The following RIC1 variants were observed in gnomAD, a reference collection of about 807,000 sequenced individuals.
The protein encoded by RIC1 is guanine nucleotide exchange factor subunit RIC1.
In RIC1, 88 loss-of-function variants were observed where a neutral mutation model predicts 169.0. The observed-to-expected ratio is 0.52, with a 90% confidence interval of 0.44 to 0.62. The LOEUF (loss-of-function observed/expected upper bound fraction) is 0.62, where lower values mean the gene tolerates loss of function less well. RIC1 is among the 20% of genes least tolerant of loss of function. The pLI is 0.00. For synonymous variants in RIC1, 790 were observed against 601.5 expected, an observed-to-expected ratio of 1.31 and a Z score of -4.59; for missense variants, 1,877 against 1,725.5, an observed-to-expected ratio of 1.09 and a Z score of -1.56.
intron 2 of RIC1, among the ~76,000 whole-genome samples, chr9:5,686,289 A>G (rs1447138914): frequency 2.6e-5 from 4 of 152,076 alleles, no homozygotes; most frequent in Non-Finnish European, 5.9e-5. Context: ...ATATACCCAA[A>G]TGACTATAAA....
chr9:5,703,107 C>A (rs553134292), intron 3 of RIC1, among the ~76,000 whole-genome samples: 3 of 152,124 alleles, frequency 2.0e-5, no homozygotes, highest in Non-Finnish European at 4.4e-5. Context: ...AAGTCTGAAC[C>A]CATTCCAGCA....
chr9:5,745,251 C>A (rs973911607), intron 10 of RIC1, among the ~76,000 whole-genome samples: 1 of 152,158 alleles, frequency 6.6e-6, no homozygotes, highest in African/African-American at 2.4e-5. Flanking sequence ...AATTTTGCAA[C>A]AATTCATGGG....
intron 17 of RIC1, among the ~76,000 whole-genome samples, chr9:5,762,290 G>C (rs1826389603): frequency 6.6e-6 from 1 of 152,082 alleles, no homozygotes; most frequent in Non-Finnish European, 1.5e-5. Flanking sequence ...AGCTTTTTCA[G>C]GATAATTCAA....
chr9:5,695,721 C>T (rs559496676), intron 3 of RIC1, among the ~76,000 whole-genome samples: 11 of 152,058 alleles, frequency 7.2e-5, no homozygotes, highest in African/African-American at 2.7e-4. Context: ...CAGGCATGCA[C>T]CACCACACCT....
chr9:5,686,375 C>T (rs537090483), intron 2 of RIC1, among the ~76,000 whole-genome samples: 2 of 152,010 alleles, frequency 1.3e-5, no homozygotes, highest in Admixed American at 1.3e-4. Flanking sequence ...TTGAAACCAA[C>T]CCAAATGTCC....
At chr9:5,669,390 T>C (rs1819962499) in intron 2 of RIC1, among the ~76,000 whole-genome samples, 2 of 152,226 alleles carry the variant, frequency 1.3e-5, no homozygotes. Flanking sequence ...GATGTTTGGT[T>C]TTCCATTCCT....
chr9:5,770,390 A>G, intron 23 of RIC1, 112 bp downstream of exon 23: 1 of 962,660 alleles, frequency 1.0e-6, no homozygotes, highest in Non-Finnish European at 1.5e-6. Context: ...AGGATTAACC[A>G]TTTGTATCCA....
At chr9:5,745,863 G>A in intron 10 of RIC1, 68 bp from the exon 11 acceptor site, 1 of 1,327,500 alleles carries the variant, frequency 7.5e-7, no homozygotes, top group Non-Finnish European at 1.1e-6. Context: ...TTGAATAATT[G>A]AAGCTAGAAA....
chr9:5,746,018 G>A lies in RIC1; in HGVS notation c.1183G>A (p.Val395Ile). 6.2e-7 allele frequency: 1 copy of A among 1,613,706 alleles called. No homozygotes were observed. Among genetic ancestry groups the A allele is most frequent in the Non-Finnish European group, 8.5e-7 (1 of 1,179,664 alleles). ...AATTGAGTCTGACCTCAGGAGTGTAGTTAAACAGCCCAGCATCCTGTTATT... is the reference window on the plus strand; with the variant it reads ...AATTGAGTCTGACCTCAGGAGTGTAATTAAACAGCCCAGCATCCTGTTATT... ...TEIESDLRSV[V>I]KQPSILLFQF... The change falls in exon 11 of 26, where the codon GTT becomes ATT. Residue 395 changes from valine to isoleucine, a missense_variant. Transcript: ENST00000414202.
At chr9:5,720,561 G>A (rs1046304115) in intron 5 of RIC1, 53 bp from the exon 6 acceptor site, 13 of 1,499,552 alleles carry the variant, frequency 8.7e-6, no homozygotes, top group Non-Finnish European at 1.2e-5. Context: ...AAAAGTGAGA[G>A]AGTAATTTAT....
chr9:5,729,773 A>C (rs1456677267), intron 6 of RIC1, among the ~76,000 whole-genome samples: 1 of 152,162 alleles, frequency 6.6e-6, no homozygotes, highest in Non-Finnish European at 1.5e-5. Context: ...TAAGGTACTA[A>C]ATAATGTATT....
Position 5,774,750 on chromosome 9 carries a change from A to C in RIC1, c.*504A>C, listed in dbSNP as rs566574046. 1 of 152,610 alleles carries C rather than the reference A, an allele frequency of 6.6e-6. No homozygotes were observed. The highest frequency in any genetic ancestry group is 1.5e-5 in the Non-Finnish European group (1 of 68,336). The allele number at this position is 152,610 out of a possible 1,614,324, so 9.5% of individuals were successfully genotyped here. A position where few individuals can be genotyped will look rare whatever the true frequency, so the allele number is the denominator to read the frequency against. On this transcript the variant is annotated 3_prime_UTR_variant, in exon 26 of 26. Transcript: ENST00000414202. ...GAATAGATTGCTACCCTGGGGCACA[A>C]TATGTGCCAGTGTGATGGAAACATT...
intron 2 of RIC1, among the ~76,000 whole-genome samples, chr9:5,678,619 T>C (rs1820604113): frequency 1.3e-5 from 2 of 152,218 alleles, no homozygotes; most frequent in African/African-American, 4.8e-5. Context: ...CATTTTTTCA[T>C]GTGTTTTTTG....
intron 1 of RIC1, among the ~76,000 whole-genome samples, chr9:5,636,293 C>G (rs556872702): frequency 5.3e-5 from 8 of 152,074 alleles, no homozygotes; most frequent in African/African-American, 1.7e-4. Flanking sequence ...TTTTTTGGAG[C>G]TACCATAAAT....
rs577234920 is a variant in RIC1, at chr9:5,735,163, T to G, written c.812+2684T>G. Among the ~76,000 whole-genome samples the G allele has an allele frequency of 3.3e-5, 5 of 152,220 alleles. No individual in the cohort carries two copies. In the South Asian group the frequency reaches 1.0e-3, roughly 32 times the overall value. On this transcript the variant is annotated intron_variant, in intron 7 of 25. Transcript: ENST00000414202. ...ACTTTTTTTGAGTCTGAGTCGATTC[T>G]TTATAGAATATCCTGCATCCTAGAT...
At chr9:5,692,957 A>G (rs1328082365) in intron 3 of RIC1, among the ~76,000 whole-genome samples, 1 of 152,108 alleles carries the variant, frequency 6.6e-6, no homozygotes, top group Admixed American at 6.5e-5. Context: ...ACCCATAGTC[A>G]CACGCGAATA....
At chr9:5,695,986 G>A (rs1461132133) in intron 3 of RIC1, among the ~76,000 whole-genome samples, 2 of 152,094 alleles carry the variant, frequency 1.3e-5, no homozygotes, top group Non-Finnish European at 2.9e-5. Flanking sequence ...TCTTTTGTAC[G>A]TTGTATGAGG....
chr9:5,732,264 T>A (rs977870615), intron 6 of RIC1, 124 bp from the exon 7 acceptor site: 3 of 722,418 alleles, frequency 4.2e-6, no homozygotes, highest in Non-Finnish European at 7.0e-6. Flanking sequence ...GTGGGATATT[T>A]TCCTCTGCAG....
At chr9:5,738,119 T>C (rs1049246640) in intron 7 of RIC1, among the ~76,000 whole-genome samples, 1 of 152,310 alleles carries the variant, frequency 6.6e-6, no homozygotes, top group East Asian at 1.9e-4. Flanking sequence ...TATATTGCTA[T>C]ACCATATGTA....
Sources: gnomAD v4.1 joint callset for allele counts (sites outside exome capture counted in the v4.1 genomes callset) on GRCh38, gnomAD v4.1.1 for gene constraint, MANE v1.5 for transcripts, NCBI Gene and HGNC (gene_info 2026-07-23, HGNC 2026-07-21) for gene names.